Variants in ASTN2 observed in about 807,000 individuals in gnomAD.
The protein encoded by ASTN2 is astrotactin-2.
Under a neutral mutation model 139.8 loss-of-function variants are expected in ASTN2, and 54 were observed. That is an observed-to-expected ratio of 0.39 (90% confidence interval 0.31 to 0.48). The LOEUF (loss-of-function observed/expected upper bound fraction) is 0.48, where lower values mean the gene tolerates loss of function less well. Ranked by LOEUF, ASTN2 falls within the 20% of genes least tolerant of loss-of-function variation. The pLI is 0.95. For synonymous variants in ASTN2, 756 were observed against 719.5 expected, an observed-to-expected ratio of 1.05 and a Z score of -0.81; for missense variants, 1,565 against 1,725.1, an observed-to-expected ratio of 0.91 and a Z score of 1.64.
At chr9:117,022,456 A>AAAAAAAC (rs1564389052) in intron 6 of ASTN2, among the ~76,000 whole-genome samples, 4 of 107,170 alleles carry the variant, frequency 3.7e-5, no homozygotes, top group Admixed American at 8.8e-5. Flanking sequence ...AAAAAAAAAC[A>AAAAAAAC]AAAAAACAAA....
chr9:117,092,301 G>C (rs944231991), intron 5 of ASTN2, among the ~76,000 whole-genome samples: 3 of 151,776 alleles, frequency 2.0e-5, no homozygotes, highest in Non-Finnish European at 4.4e-5. Flanking sequence ...GAAACAGTCT[G>C]AACTGCAGTG....
At chr9:117,023,560 T>C (rs961725232) in intron 6 of ASTN2, among the ~76,000 whole-genome samples, 7 of 152,154 alleles carry the variant, frequency 4.6e-5, no homozygotes, top group Admixed American at 6.6e-5. Flanking sequence ...TTACTTTATT[T>C]TGCTAATTTG....
At chr9:116,766,649 A>G (rs10759856) in intron 13 of ASTN2, among the ~76,000 whole-genome samples, 68,937 of 151,906 alleles carry the variant, frequency 0.45, 16,637 homozygotes, top group South Asian at 0.56. Context: ...ATGCACCCAC[A>G]TTCGCACTCA....
At chr9:116,737,610 CGTGTGTGTGTGTGTGT>C (rs57891581) in intron 13 of ASTN2, among the ~76,000 whole-genome samples, 197 of 137,348 alleles carry the variant, frequency 1.4e-3, no homozygotes, top group African/African-American at 4.9e-3. Flanking sequence ...CATGTGCCAA[CGTGTGTGTGTGTGTGT>C]GTGTGTGTGT....
At chr9:117,042,845 T>C (rs1213484021) in intron 5 of ASTN2, among the ~76,000 whole-genome samples, 7 of 151,456 alleles carry the variant, frequency 4.6e-5, no homozygotes, top group African/African-American at 1.7e-4. Flanking sequence ...AGCACTGGAG[T>C]TTTTTGTTGT....
At chr9:116,791,063 AG>A in intron 13 of ASTN2, among the ~76,000 whole-genome samples, 1 of 152,006 alleles carries the variant, frequency 6.6e-6, no homozygotes, top group South Asian at 2.1e-4. Context: ...GAAAGAAAGA[AG>A]GAAAGGTCTC....
chr9:116,486,578 G>A (rs756755252), intron 20 of ASTN2, among the ~76,000 whole-genome samples: 2 of 152,134 alleles, frequency 1.3e-5, no homozygotes, highest in South Asian at 2.1e-4. Flanking sequence ...GCTCAACTTC[G>A]TAACAACTTC....
intron 19 of ASTN2, among the ~76,000 whole-genome samples, chr9:116,617,375 C>CT (rs1855908632): frequency 1.3e-5 from 2 of 152,136 alleles, no homozygotes; most frequent in South Asian, 4.1e-4. Context: ...GAATGCCAGA[C>CT]TTTGTGATAG....
intron 3 of ASTN2, among the ~76,000 whole-genome samples, chr9:117,168,886 C>T (rs1830727284): frequency 6.6e-6 from 1 of 152,026 alleles, no homozygotes; most frequent in Admixed American, 6.6e-5. Flanking sequence ...TTGAACCTAA[C>T]TTGTAGTGCG....
chr9:116,702,337 G>C (rs1298034179), intron 16 of ASTN2, among the ~76,000 whole-genome samples: 2 of 152,034 alleles, frequency 1.3e-5, no homozygotes, highest in African/African-American at 4.8e-5. Flanking sequence ...GTCCAACCAT[G>C]CTAAACAGTT....
chr9:116,816,257 T>A lies in ASTN2; in HGVS notation c.2207+4360A>T, dbSNP rs558512964. On this transcript the variant is annotated intron_variant, in intron 12 of 22. Transcript: ENST00000313400. ...AAAACAGACAAACTTTGTTGCTAGG[T>A]AACTTGCCAAGGTCTTCACAGGAGG... is the stretch of plus-strand genomic sequence containing the variant. Among the ~76,000 whole-genome samples the A allele has an allele frequency of 5.9e-5, 9 of 152,318 alleles. No homozygotes were observed. The East Asian group carries it at 1.7e-3, about 29-fold the overall frequency.
intron 11 of ASTN2, among the ~76,000 whole-genome samples, chr9:116,855,974 C>T (rs998752798): frequency 6.6e-6 from 1 of 152,032 alleles, no homozygotes; most frequent in African/African-American, 2.4e-5. Flanking sequence ...CCTAGTATTA[C>T]TGATCAAGGT....
intron 2 of ASTN2, among the ~76,000 whole-genome samples, chr9:117,275,279 C>T (rs564938608): frequency 2.0e-5 from 3 of 152,266 alleles, no homozygotes; most frequent in Admixed American, 6.6e-5. Context: ...GCCACTTTCA[C>T]ATTTTTAGGA....
At chr9:116,811,541 A>G (rs1161058039) in intron 12 of ASTN2, among the ~76,000 whole-genome samples, 2 of 152,226 alleles carry the variant, frequency 1.3e-5, no homozygotes, top group Admixed American at 6.5e-5. Flanking sequence ...GGTAGTCACA[A>G]GTTGAGATTT....
intron 19 of ASTN2, among the ~76,000 whole-genome samples, chr9:116,518,263 A>C (rs576873870): frequency 2.0e-5 from 3 of 152,176 alleles, no homozygotes; most frequent in Non-Finnish European, 4.4e-5. Flanking sequence ...AGGCAAAAAC[A>C]TCAGGTAACC....
chr9:116,645,476 C>A (rs1857542414), intron 17 of ASTN2, among the ~76,000 whole-genome samples: 1 of 152,104 alleles, frequency 6.6e-6, no homozygotes, highest in South Asian at 2.1e-4. Context: ...CCTAAGGAGA[C>A]CCCAACTACC....
At chr9:117,088,085 C>A (rs976090605) in intron 5 of ASTN2, among the ~76,000 whole-genome samples, 1 of 152,140 alleles carries the variant, frequency 6.6e-6, no homozygotes, top group Non-Finnish European at 1.5e-5. Flanking sequence ...TTTTTATGTG[C>A]ATAAAATGGA....
At position 116,792,718 on chromosome 9, in the gene ASTN2, G is replaced by A. The variant is rs546465485; in HGVS notation, c.2396+12914C>T. Among the ~76,000 whole-genome samples, 28 of 152,236 alleles carry A rather than the reference G, an allele frequency of 1.8e-4. 1 individual carries two copies. The highest frequency in any genetic ancestry group is 5.8e-4 in the African/African-American group (24 of 41,544). On this transcript the variant is annotated intron_variant, in intron 13 of 22. Coordinates refer to ENST00000313400, the MANE Select transcript of ASTN2 (RefSeq NM_001365068.1). Reference sequence around the variant, plus strand: ...TTGGTCACTCTAGAGAGGATTATACGCAGAAGACTTCTTTAAGATTCCATG... The same window carrying A: ...TTGGTCACTCTAGAGAGGATTATACACAGAAGACTTCTTTAAGATTCCATG...
rs563837714 is a variant in ASTN2, at chr9:116,900,788, C to T, written c.1890-37055G>A. ...CCCCTCTTTCTTCTCCCTCCACCTT[C>T]GTTTGGTTCTCAGGCTCCACAGGAA... On this transcript the variant is annotated intron_variant, in intron 10 of 22. Coordinates refer to ENST00000313400, the MANE Select transcript of ASTN2 (RefSeq NM_001365068.1). 2.1e-3 allele frequency among the ~76,000 whole-genome samples: 325 copies of T among 152,200 alleles called. 1 individual carries two copies. Among genetic ancestry groups the T allele is most frequent in the African/African-American group, 7.5e-3 (313 of 41,534 alleles).
Sources: gnomAD v4.1 joint callset for allele counts (sites outside exome capture counted in the v4.1 genomes callset) on GRCh38, gnomAD v4.1.1 for gene constraint, MANE v1.5 for transcripts, NCBI Gene and HGNC (gene_info 2026-07-23, HGNC 2026-07-21) for gene names.